Variants in HID1 observed in about 807,000 individuals in gnomAD.
The protein encoded by HID1 is protein HID1.
Under a neutral mutation model 89.7 loss-of-function variants are expected in HID1, and 42 were observed. The observed-to-expected ratio is 0.47, with a 90% CI of 0.37 to 0.61. The LOEUF (loss-of-function observed/expected upper bound fraction) is 0.61, where lower values mean the gene tolerates loss of function less well. HID1 is among the 20% of genes least tolerant of loss of function. HID1 has a pLI of 0.00. For missense variants in HID1, 854 were observed against 1,039.3 expected, an observed-to-expected ratio of 0.82 and a Z score of 2.45; for synonymous variants, 442 against 433.8, an observed-to-expected ratio of 1.02 and a Z score of -0.24.
rs1424279825 is a variant in HID1 at position 74,958,486 on chromosome 17, A to G, written c.1241-8T>C. 2 of 1,587,280 alleles carry G rather than the reference A, an allele frequency of 1.3e-6. No individual in the cohort carries two copies. Among genetic ancestry groups the G allele is most frequent in the Admixed American group, 1.8e-5 (1 of 55,772 alleles). ...GCATCAGGCCCACCCGAGCTGCGGCAGGTGGCGTGGGAGGGGTCACTCGGG... is the reference window on the plus strand; with the variant it reads ...GCATCAGGCCCACCCGAGCTGCGGCGGGTGGCGTGGGAGGGGTCACTCGGG... On this transcript the variant is annotated splice_region_variant and splice_polypyrimidine_tract_variant and intron_variant, in intron 10 of 18. Transcript: ENST00000425042. The surrounding 1 kb of genome is among the most constrained non-coding windows in gnomAD (Gnocchi z 5.2).
rs780610879 is a variant in HID1, at chr17:74,959,978, C to A, written c.952-41G>T. The stretch of plus-strand genomic sequence containing the variant: ...GCCCCTGGTGAGCAGGCGTCCTCCC[C>A]ACAACCCGTGGCCCCGGCAGCTGTC... On this transcript the variant is annotated intron_variant, in intron 7 of 18. Transcript: ENST00000425042. The surrounding 1 kb of genome is among the most constrained non-coding windows in gnomAD (Gnocchi z 4.6). 1 of 1,613,584 alleles carries A rather than the reference C, an allele frequency of 6.2e-7. No homozygotes were observed. Among genetic ancestry groups the A allele is most frequent in the Non-Finnish European group, 8.5e-7 (1 of 1,179,962 alleles).
chr17:74,963,989 C>T lies in HID1; in HGVS notation c.217-79G>A. The stretch of plus-strand genomic sequence containing the variant: ...GGCACTTGGGGTCAGGGTGGGCACC[C>T]AGGCTGCAGAGGAGGGTCAGGGGGG... On this transcript the variant is annotated intron_variant, in intron 2 of 18. Transcript: ENST00000425042. 3.3e-6 allele frequency: 5 copies of T among 1,512,140 alleles called. No homozygotes were observed. The South Asian group carries it at 5.9e-5, about 18-fold the overall frequency. The allele number at this position is 1,512,140 out of a possible 1,614,324, so 93.7% of individuals were successfully genotyped here. A position where few individuals can be genotyped will look rare whatever the true frequency, so the allele number is the denominator to read the frequency against.
Position 74,951,905 on chromosome 17 carries a change from C to G in HID1, c.2303G>C (p.Arg768Thr). ...CACCACCCCACTCCCCGGGGCCCAC[C>G]TCAGATAGATGACGCCCCACATGTA... ...RTYMWGVIYL[R>T]NVDPPVWYDT... The change falls in exon 18 of 19, where the codon AGG (arginine) becomes ACG (threonine). Residue 768 changes from arginine to threonine, a missense_variant and splice_region_variant. By Grantham distance (71) the Arg-to-Thr change is moderately conservative. Transcript: ENST00000425042. 1 of 1,520,532 alleles carries G rather than the reference C, an allele frequency of 6.6e-7. No homozygotes were observed. Among genetic ancestry groups the G allele is most frequent in the East Asian group, 2.3e-5 (1 of 42,986 alleles). 94.2% of individuals were successfully genotyped at this position (1,520,532 alleles called of 1,614,324 possible). A position where few individuals can be genotyped will look rare whatever the true frequency, so the allele number is the denominator to read the frequency against.
At chr17:74,954,752 G>A (rs549254035) in intron 13 of HID1, 84 of 282,316 alleles carry the variant, frequency 3.0e-4, no homozygotes, top group Non-Finnish European at 3.9e-4. Flanking sequence ...GCCAGGAGAA[G>A]TCACAGAGGA....
chr17:74,964,124 A>T (rs1238055257), intron 2 of HID1: 1 of 605,400 alleles, frequency 1.7e-6, no homozygotes, highest in East Asian at 2.8e-5. Flanking sequence ...AGCTTGGAGC[A>T]TCAGGACAGC....
In HID1 at chr17:74,962,973, T is replaced by C; in HGVS notation, c.496A>G (p.Ser166Gly). The change falls in exon 4 of 19, where the codon AGC (serine) becomes GGC (glycine). Residue 166 changes from serine to glycine, a missense_variant. By Grantham distance (56) the Ser-to-Gly change is moderately conservative. Transcript: ENST00000425042. The surrounding 1 kb of genome is among the most constrained non-coding windows in gnomAD (Gnocchi z 4.3). ...GGCTGGGGGACACTCACCACAGTGC[T>C]CCTCCGGTGGCTCTGAACCGTGAAG... The part of the protein sequence containing the change: ...PDFTVQSHRR[S>G]TVDSAEDVHS... 1.9e-6 allele frequency: 3 copies of C among 1,610,652 alleles called. No individual in the cohort carries two copies. Among genetic ancestry groups the C allele is most frequent in the East Asian group, 2.2e-5 (1 of 44,726 alleles).
chr17:74,956,553 C>T (rs922213896), intron 12 of HID1, among the ~76,000 whole-genome samples: 4 of 152,064 alleles, frequency 2.6e-5, no homozygotes, highest in African/African-American at 7.2e-5. Context: ...AGTGTGTTCT[C>T]GGAACCAGCT....
intron 15 of HID1, 119 bp downstream of exon 15, chr17:74,953,425 TG>T (rs1342514489): frequency 2.7e-6 from 2 of 754,618 alleles, no homozygotes; most frequent in African/African-American, 3.5e-5. Flanking sequence ...CCCTGGGCAC[TG>T]GGTAACTGCC....
chr17:74,962,380 G>A lies in HID1; in HGVS notation c.505-40C>T, dbSNP rs1567962900. 7.0e-6 allele frequency: 10 copies of A among 1,419,444 alleles called. No individual in the cohort carries two copies. Among genetic ancestry groups the A allele is most frequent in the Non-Finnish European group, 8.9e-6 (9 of 1,014,546 alleles). 87.9% of individuals were successfully genotyped at this position (1,419,444 alleles called of 1,614,324 possible). ...GGAAGAAGCCGGGTTAGGGGGTCGA[G>A]AGGTGAACAGCAGCCTGGGTCAGAA... On this transcript the variant is annotated intron_variant, in intron 4 of 18. Coordinates refer to ENST00000425042, the MANE Select transcript of HID1 (RefSeq NM_030630.3). This position sits in a 1 kb window ranked among gnomAD's most constrained non-coding sequence, Gnocchi z 4.3.
intron 1 of HID1, among the ~76,000 whole-genome samples, chr17:74,966,331 G>A (rs1286841655): frequency 6.8e-6 from 1 of 147,462 alleles, no homozygotes; most frequent in Non-Finnish European, 1.5e-5. Context: ...GAACCAGAAT[G>A]TTAGTAGCAA....
At position 74,960,043 on chromosome 17, in the gene HID1, CGGTGCCAGTGGT is replaced by C; in HGVS notation, c.922_933del (p.Thr308_Thr311del). ...ATCCTTACATCGGCATCATCCATGG[CGGTGCCAGTGGT>C]GGTGCCGTCCACAGTGGGGCTGGCA... On this transcript the variant is annotated inframe_deletion, in exon 7 of 19. Coordinates refer to ENST00000425042, the MANE Select transcript of HID1 (RefSeq NM_030630.3). 6.2e-7 allele frequency: 1 copy of C among 1,613,374 alleles called. No homozygotes were observed. Among genetic ancestry groups the C allele is most frequent in the Non-Finnish European group, 8.5e-7 (1 of 1,179,780 alleles).
At chr17:74,954,597 G>A (rs937173341) in intron 13 of HID1, 11 of 680,198 alleles carry the variant, frequency 1.6e-5, no homozygotes, top group African/African-American at 7.3e-5. Context: ...CAACACCCCC[G>A]CCCCAGTGCC....
chr17:74,953,192 G>A, intron 15 of HID1, 106 bp from the exon 16 acceptor site: 1 of 1,006,340 alleles, frequency 9.9e-7, no homozygotes. Flanking sequence ...CCACAAAGGG[G>A]AAGGCCCAGC....
chr17:74,969,880 CAT>C (rs2039618671), intron 1 of HID1, among the ~76,000 whole-genome samples: 1 of 151,690 alleles, frequency 6.6e-6, no homozygotes, highest in Admixed American at 6.6e-5. Flanking sequence ...GGATTACAGC[CAT>C]GAGCCACCAC....
At position 74,964,569 on chromosome 17, in the gene HID1, G is replaced by C. The variant is rs1420589191; in HGVS notation, c.130C>G (p.Gln44Glu). 1 of 1,611,806 alleles carries C rather than the reference G, an allele frequency of 6.2e-7. No individual in the cohort carries two copies. The highest frequency in any genetic ancestry group is 8.5e-7 in the Non-Finnish European group (1 of 1,179,304). ...QFWADTATSV[Q>E]DVFALVPAAE... is the part of the protein sequence containing the mutation. The stretch of plus-strand genomic sequence containing the variant: ...GCCGGCACCAGTGCAAACACATCCT[G>C]CACCGAGGTGGCTGTGTCTGCCCAG... Residue 44 changes from glutamine to glutamate, a missense_variant, in exon 2 of 19, where the codon CAG (glutamine) becomes GAG (glutamate). Gln to Glu is a conservative substitution (Grantham distance 29, BLOSUM62 2). Coordinates refer to ENST00000425042, the MANE Select transcript of HID1 (RefSeq NM_030630.3).
chr17:74,970,182 G>A (rs182298121), intron 1 of HID1, among the ~76,000 whole-genome samples: 1 of 152,154 alleles, frequency 6.6e-6, no homozygotes, highest in Non-Finnish European at 1.5e-5. Flanking sequence ...CTCCCAAAGT[G>A]CTGGGATTAC....
Position 74,962,365 on chromosome 17 carries a change from G to T in HID1, c.505-25C>A. ...CCTGGGGACAGGCCAGGAAGAAGCC[G>T]GGTTAGGGGGTCGAGAGGTGAACAG... is the stretch of plus-strand genomic sequence containing the variant. On this transcript the variant is annotated intron_variant, in intron 4 of 18. Transcript: ENST00000425042. The surrounding 1 kb of genome is among the most constrained non-coding windows in gnomAD (Gnocchi z 4.3). 6.5e-7 allele frequency: 1 copy of T among 1,543,918 alleles called. No homozygotes were observed.
Position 74,959,915 on chromosome 17 carries a change from A to G in HID1, c.974T>C (p.Phe325Ser), listed in dbSNP as rs150094838. The change falls in exon 8 of 19, where the codon TTT becomes TCT. Residue 325 changes from phenylalanine to serine, a missense_variant. Physicochemically the swap from Phe to Ser is radical, Grantham distance 155 (BLOSUM62 -2). Transcript: ENST00000425042. The surrounding 1 kb of genome is among the most constrained non-coding windows in gnomAD (Gnocchi z 4.6). ...ATGGATGCGGGACAGGTAGTTCACAAACAGGTTCTCAGGGCCTGGAGGCTG... is the reference window on the plus strand; with the variant it reads ...ATGGATGCGGGACAGGTAGTTCACAGACAGGTTCTCAGGGCCTGGAGGCTG... ...DADPPGPENL[F>S]VNYLSRIHRE... The G allele has an allele frequency of 3.7e-6, 6 of 1,613,684 alleles. No individual in the cohort carries two copies. In the African/African-American group the frequency reaches 8.0e-5, roughly 22 times the overall value.
rs780665652 is a variant in HID1 at position 74,951,578 on chromosome 17, G to A, written c.2359C>T (p.Arg787Trp). Residue 787 changes from arginine (R) to tryptophan (W), a missense_variant, in exon 19 of 19, where the codon CGG becomes TGG. Physicochemically the swap from Arg to Trp is moderately radical, Grantham distance 101. Transcript: ENST00000425042. ...CCTCGTCGGCTTCATCCTCACACCC[G>A]CTGTATCTCAAACAGCTTCACGTCG... ...DTDVKLFEIQ[R>W]V 18 of 1,611,478 alleles carry A rather than the reference G, an allele frequency of 1.1e-5. No individual in the cohort carries two copies. Among genetic ancestry groups the A allele is most frequent in the Admixed American group, 1.7e-5 (1 of 59,622 alleles).
Sources: allele counts gnomAD v4.1 joint callset (sites outside exome capture counted in the v4.1 genomes callset), GRCh38; gene constraint gnomAD v4.1.1; non-coding constraint Gnocchi (gnomAD v3.1); transcripts MANE v1.5; gene names NCBI Gene and HGNC (gene_info 2026-07-23, HGNC 2026-07-21).